KHDRBS3: variants seen among roughly 807,000 people sequenced by gnomAD.
KHDRBS3 encodes KH RNA binding domain containing, signal transduction associated 3.
Under a neutral mutation model 45.6 loss-of-function variants are expected in KHDRBS3, and 23 were observed. The ratio of observed to expected loss-of-function variants is 0.50; its 90% confidence interval spans 0.36 to 0.72. KHDRBS3 has a LOEUF of 0.72. Among genes scored for constraint, KHDRBS3 ranks in the 30% least tolerant of loss-of-function variants. The pLI is 0.00. For missense variants in KHDRBS3, 352 were observed against 424.8 expected, an observed-to-expected ratio of 0.83 and a Z score of 1.51; for synonymous variants, 162 against 156.5, an observed-to-expected ratio of 1.04 and a Z score of -0.26.
chr8:135,477,390 C>G (rs1465742560), intron 1 of KHDRBS3, among the ~76,000 whole-genome samples: 1 of 152,072 alleles, frequency 6.6e-6, no homozygotes, highest in African/African-American at 2.4e-5. Flanking sequence ...TCAACATGGT[C>G]ACTTGAAATG....
intron 7 of KHDRBS3, among the ~76,000 whole-genome samples, chr8:135,642,737 G>T (rs755240111): frequency 5.9e-5 from 9 of 151,888 alleles, no homozygotes; most frequent in Non-Finnish European, 1.3e-4. Context: ...ACAAGGTGGG[G>T]CCTATATTCT....
At chr8:135,652,882 G>A (rs762653456) in intron 4 of KHDRBS3, among the ~76,000 whole-genome samples, 44 of 152,196 alleles carry the variant, frequency 2.9e-4, no homozygotes, top group Non-Finnish European at 6.0e-4. Flanking sequence ...TGAACAAGTC[G>A]TTGGATGTAT....
intron 2 of KHDRBS3, among the ~76,000 whole-genome samples, chr8:135,535,807 C>A (rs1238096732): frequency 6.6e-6 from 1 of 152,110 alleles, no homozygotes; most frequent in Non-Finnish European, 1.5e-5. Flanking sequence ...AGTCCAAGGT[C>A]AAGGCACCGG....
downstream of KHDRBS3, among the ~76,000 whole-genome samples, chr8:135,650,305 C>T (rs1831403280): frequency 6.6e-6 from 1 of 152,170 alleles, no homozygotes; most frequent in South Asian, 2.1e-4. Context: ...GAACTCAGCC[C>T]CATGCCCTCT....
intron 7 of KHDRBS3, among the ~76,000 whole-genome samples, chr8:135,609,123 A>G (rs960174130): frequency 1.3e-5 from 2 of 152,156 alleles, no homozygotes; most frequent in Non-Finnish European, 2.9e-5. Context: ...TTCTTTCTTC[A>G]ATAGTAAATT....
At chr8:135,498,535 C>T (rs1823575378) in intron 1 of KHDRBS3, among the ~76,000 whole-genome samples, 1 of 152,172 alleles carries the variant, frequency 6.6e-6, no homozygotes, top group South Asian at 2.1e-4. Flanking sequence ...GTAATTGTCT[C>T]CCTAATGGCT....
intron 6 of KHDRBS3, among the ~76,000 whole-genome samples, chr8:135,592,392 C>G (rs1828786935): frequency 6.6e-6 from 1 of 152,090 alleles, no homozygotes; most frequent in African/African-American, 2.4e-5. Context: ...GTTAGTTGAG[C>G]TATAATGGTT....
At chr8:135,494,537 T>A (rs1206025421) in intron 1 of KHDRBS3, among the ~76,000 whole-genome samples, 1 of 152,052 alleles carries the variant, frequency 6.6e-6, no homozygotes, top group Non-Finnish European at 1.5e-5. Flanking sequence ...CTCGGCCTCC[T>A]AAAGTGCTGG....
rs1290327405 is a variant in KHDRBS3, at chr8:135,605,450, T to G, written c.808-1505T>G. ...AATGAATATTTTACTTTAGTTATTA[T>G]ACTTCGCAACTTAAGAATTTATTTT... is the stretch of plus-strand genomic sequence containing the variant. On this transcript the variant is annotated intron_variant, in intron 6 of 8. Coordinates refer to ENST00000355849, the MANE Select transcript of KHDRBS3 (RefSeq NM_006558.3). Among the ~76,000 whole-genome samples the G allele has an allele frequency of 2.6e-5, 4 of 152,174 alleles. No homozygotes were observed. The East Asian group carries it at 7.7e-4, about 29-fold the overall frequency.
chr8:135,553,270 G>A (rs916323716), intron 4 of KHDRBS3, among the ~76,000 whole-genome samples: 3 of 152,176 alleles, frequency 2.0e-5, no homozygotes, highest in Admixed American at 6.5e-5. Context: ...TATATTTTCA[G>A]TTTATTGTGT....
chr8:135,556,752 G>A (rs1826906560), intron 4 of KHDRBS3, among the ~76,000 whole-genome samples: 1 of 152,078 alleles, frequency 6.6e-6, no homozygotes, highest in African/African-American at 2.4e-5. Context: ...ATTTACCCAT[G>A]TCTTAGCTGA....
rs369722783 is a variant in KHDRBS3, at chr8:135,548,865, C to G, written c.436C>G (p.His146Asp). 1.9e-6 allele frequency: 3 copies of G among 1,597,232 alleles called. No homozygotes were observed. Among genetic ancestry groups the G allele is most frequent in the Non-Finnish European group, 2.6e-6 (3 of 1,172,586 alleles). ...PPAEAYARMG[H>D]ALEEIKKFLI... ...TGCAGAAGCTTATGCCAGGATGGGA[C>G]ATGCTTTGGAAGAAATCAAAAAGTT... The change falls in exon 4 of 9, where the codon CAT becomes GAT. Residue 146 changes from histidine (H) to aspartate (D), a missense_variant. Physicochemically the swap from His to Asp is moderately conservative, Grantham distance 81. Around this residue, in one of 6 missense-constraint regions of KHDRBS3, gnomAD observed 46 missense variants for 45.9 expected, o/e 1.00. Coordinates refer to ENST00000355849, the MANE Select transcript of KHDRBS3 (RefSeq NM_006558.3).
intron 1 of KHDRBS3, among the ~76,000 whole-genome samples, chr8:135,497,325 G>A (rs1017533401): frequency 5.3e-5 from 8 of 152,216 alleles, no homozygotes; most frequent in African/African-American, 1.9e-4. Context: ...CCTAAAGGCA[G>A]GTTTAGAGGA....
chr8:135,548,732 A>T, intron 3 of KHDRBS3, 22 bp from the exon 4 acceptor site: 1 of 1,485,710 alleles, frequency 6.7e-7, no homozygotes, highest in Non-Finnish European at 9.0e-7. Flanking sequence ...TTTAAATGTG[A>T]TTTCTTTTTT....
chr8:135,518,038 A>G (rs1309300667), intron 1 of KHDRBS3, among the ~76,000 whole-genome samples: 1 of 152,212 alleles, frequency 6.6e-6, no homozygotes, highest in Admixed American at 6.5e-5. Context: ...AAGCTTACCT[A>G]TATGATTTTC....
At chr8:135,488,631 G>A (rs1822986372) in intron 1 of KHDRBS3, among the ~76,000 whole-genome samples, 1 of 152,184 alleles carries the variant, frequency 6.6e-6, no homozygotes, top group South Asian at 2.1e-4. Flanking sequence ...AGGGTGGGTT[G>A]AGAAATAGAC....
intron 1 of KHDRBS3, among the ~76,000 whole-genome samples, chr8:135,492,516 C>CAT (rs3029812): frequency 0.56 from 82,078 of 145,700 alleles, 24,558 homozygotes; most frequent in Non-Finnish European, 0.66. Flanking sequence ...TATATATATA[C>CAT]ATATATATAT....
chr8:135,617,163 A>G (rs2131070616), intron 7 of KHDRBS3, among the ~76,000 whole-genome samples: 1 of 152,226 alleles, frequency 6.6e-6, no homozygotes, highest in South Asian at 2.1e-4. Flanking sequence ...TAATAGTTCA[A>G]TAAATTTGCT....
chr8:135,574,991 C>A (rs1378997264), intron 5 of KHDRBS3, among the ~76,000 whole-genome samples: 1 of 152,110 alleles, frequency 6.6e-6, no homozygotes, highest in Non-Finnish European at 1.5e-5. Context: ...AGTTTGAGTG[C>A]TAATTGTCAG....
Sources: gnomAD v4.1 joint callset for allele counts (sites outside exome capture counted in the v4.1 genomes callset) on GRCh38, gnomAD v4.1.1 for gene constraint, gnomAD v4.1.1 regional missense constraint, MANE v1.5 for transcripts, NCBI Gene and HGNC (gene_info 2026-07-23, HGNC 2026-07-21) for gene names.